Variants in GRM4 observed in about 807,000 individuals in gnomAD.
The protein encoded by GRM4 is metabotropic glutamate receptor 4.
In GRM4, 28 loss-of-function variants were observed where a neutral mutation model predicts 81.7. The ratio of observed to expected loss-of-function variants is 0.34; its 90% confidence interval spans 0.25 to 0.47. The LOEUF (loss-of-function observed/expected upper bound fraction) is 0.47. GRM4 is among the 20% of genes least tolerant of loss of function. The pLI is 1.00. For synonymous variants in GRM4, 488 were observed against 528.8 expected, an observed-to-expected ratio of 0.92 and a Z score of 1.06; for missense variants, 948 against 1,290.0, an observed-to-expected ratio of 0.73 and a Z score of 4.06.
chr6:34,123,832 C>T (rs1769911916), intron 2 of GRM4, among the ~76,000 whole-genome samples: 1 of 152,324 alleles, frequency 6.6e-6, no homozygotes, highest in Admixed American at 6.5e-5. Flanking sequence ...CACATTACTG[C>T]CCCTCGGGGA....
At chr6:34,065,200 A>G (rs1201706209) in intron 3 of GRM4, among the ~76,000 whole-genome samples, 1 of 151,886 alleles carries the variant, frequency 6.6e-6, no homozygotes, top group East Asian at 1.9e-4. Context: ...ACCACAGCCC[A>G]CCCTGTGCAT....
Position 34,076,717 on chromosome 6 carries a change from G to A in GRM4, c.737-14689C>T, listed in dbSNP as rs368661892. On this transcript the variant is annotated intron_variant, in intron 3 of 10. Coordinates refer to ENST00000538487, the MANE Select transcript of GRM4 (RefSeq NM_000841.4). Reference sequence around the variant, plus strand: ...CAGGCCTGTGGGGACTCAGGTTGGCGAAGCTGATGGACAGATGCTGGGGGC... The same window carrying A: ...CAGGCCTGTGGGGACTCAGGTTGGCAAAGCTGATGGACAGATGCTGGGGGC... Among the ~76,000 whole-genome samples the A allele has an allele frequency of 8.1e-4, 124 of 152,316 alleles. 2 individuals are homozygous for A. In the East Asian group the frequency reaches 0.015, roughly 19 times the overall value.
At chr6:34,112,756 C>CCCT (rs3041241) in intron 2 of GRM4, among the ~76,000 whole-genome samples, 2,174 of 152,334 alleles carry the variant, frequency 0.014, 61 homozygotes, top group African/African-American at 0.047. Context: ...CTGGCTCCCT[C>CCCT]CCTTGCCTGG....
chr6:34,056,835 G>A, intron 5 of GRM4, 151 bp from the exon 6 acceptor site: 1 of 871,306 alleles, frequency 1.1e-6, no homozygotes, highest in South Asian at 1.8e-5. Context: ...ACAAAATGTG[G>A]AGCATTTCGT....
upstream of GRM4, among the ~76,000 whole-genome samples, chr6:34,147,141 C>T (rs1174305342): frequency 2.6e-5 from 4 of 152,214 alleles, no homozygotes; most frequent in African/African-American, 9.6e-5. Flanking sequence ...ATACATGTCT[C>T]ATTTACCCAA....
chr6:34,111,984 C>A lies in GRM4; in HGVS notation c.520-19885G>T. On this transcript the variant is annotated intron_variant, in intron 2 of 10. Transcript: ENST00000538487. This position sits in a 1 kb window ranked among gnomAD's most constrained non-coding sequence, Gnocchi z 5.1. The stretch of plus-strand genomic sequence containing the variant: ...CCTGGAGATTCTGAAATGGGGAGGT[C>A]TCCTCACTCACCCCAAGTTGCACCT... Among the ~76,000 whole-genome samples, 1 of 152,066 alleles carries A rather than the reference C, an allele frequency of 6.6e-6. No homozygotes were observed. Among genetic ancestry groups the A allele is most frequent in the East Asian group, 1.9e-4 (1 of 5,192 alleles).
chr6:34,065,945 C>G (rs942552642), intron 3 of GRM4, among the ~76,000 whole-genome samples: 1 of 152,040 alleles, frequency 6.6e-6, no homozygotes, highest in African/African-American at 2.4e-5. Context: ...CAGCAGGAAC[C>G]GCTATCTCTC....
chr6:34,085,335 C>T (rs997093684), intron 3 of GRM4, among the ~76,000 whole-genome samples: 2 of 152,168 alleles, frequency 1.3e-5, no homozygotes, highest in Non-Finnish European at 2.9e-5. Context: ...TGGCAGGAGG[C>T]GCACCCCACA....
chr6:34,097,458 C>A (rs1768595862), intron 2 of GRM4, among the ~76,000 whole-genome samples: 1 of 149,870 alleles, frequency 6.7e-6, no homozygotes, highest in Non-Finnish European at 1.5e-5. Flanking sequence ...TGTGCGCGCG[C>A]ATGTGTGTAT....
chr6:34,155,241 A>G (rs1771126881), exon 1 of GRM4: 1 of 1,535,342 alleles, frequency 6.5e-7, no homozygotes, highest in Non-Finnish European at 8.7e-7. Context: ...GGCAAAATCC[A>G]AAGGACCTGG....
intron 2 of GRM4, among the ~76,000 whole-genome samples, chr6:34,104,254 C>T (rs748321078): frequency 1.3e-5 from 2 of 152,218 alleles, no homozygotes; most frequent in Non-Finnish European, 2.9e-5. Flanking sequence ...GAGGGTGGAG[C>T]AGGGTGGGCT....
chr6:34,055,411 C>G (rs1167174190), intron 6 of GRM4: 1 of 152,200 alleles, frequency 6.6e-6, no homozygotes, highest in Non-Finnish European at 1.5e-5. Context: ...TGCAAGTCCC[C>G]GTGGGCTCTG....
At chr6:34,026,673 A>C (rs1581580124) in intron 10 of GRM4, among the ~76,000 whole-genome samples, 1 of 152,012 alleles carries the variant, frequency 6.6e-6, no homozygotes, top group East Asian at 1.9e-4. Flanking sequence ...GACTGGCTGG[A>C]GCAGAGGCAG....
chr6:34,085,704 A>C (rs1767848694), intron 3 of GRM4, among the ~76,000 whole-genome samples: 1 of 152,248 alleles, frequency 6.6e-6, no homozygotes, highest in Admixed American at 6.5e-5. Context: ...CTGGAGATGC[A>C]GCGGAGAACA....
At chr6:34,101,401 G>A (rs185965683) in intron 2 of GRM4, among the ~76,000 whole-genome samples, 155 of 152,278 alleles carry the variant, frequency 1.0e-3, no homozygotes, top group Admixed American at 1.8e-3. Flanking sequence ...ATTTGAACTC[G>A]AACTAGCTGC....
rs115019142 is a variant in GRM4 at position 34,101,758 on chromosome 6, A to G, written c.520-9659T>C. On this transcript the variant is annotated intron_variant, in intron 2 of 10. Transcript: ENST00000538487. ...CTGCTTTGAGCAATAGCTAGTTTCT[A>G]TACATAATTATTAATTTCATGCTTA... Among the ~76,000 whole-genome samples the G allele has an allele frequency of 2.3e-3, 353 of 152,386 alleles. 4 individuals are homozygous for G. Among genetic ancestry groups the G allele is most frequent in the African/African-American group, 7.6e-3 (316 of 41,590 alleles).
Position 34,020,029 on chromosome 6 carries a change from A to G in GRM4, c.*2792T>C, listed in dbSNP as rs1763814018. On this transcript the variant is annotated 3_prime_UTR_variant, in exon 11 of 11. Transcript: ENST00000538487. ...GCTAGGGCCTGGTTCCCTCCTGTCCACCTCAGGCCCACAGAGCCCACCTCT... is the reference window on the plus strand; with the variant it reads ...GCTAGGGCCTGGTTCCCTCCTGTCCGCCTCAGGCCCACAGAGCCCACCTCT... The G allele has an allele frequency of 6.6e-6, 1 of 152,292 alleles. No individual in the cohort carries two copies. Among genetic ancestry groups the G allele is most frequent in the African/African-American group, 2.4e-5 (1 of 41,484 alleles). The allele number at this position is 152,292 out of a possible 1,614,324, so 9.4% of individuals were successfully genotyped here. A position where few individuals can be genotyped will look rare whatever the true frequency, so the allele number is the denominator to read the frequency against.
In GRM4 at chr6:34,090,981, C is replaced by T. The variant is rs907734922; in HGVS notation, c.736+902G>A. Among the ~76,000 whole-genome samples the T allele has an allele frequency of 2.0e-5, 3 of 152,022 alleles. No homozygotes were observed. Among genetic ancestry groups the T allele is most frequent in the Admixed American group, 6.5e-5 (1 of 15,278 alleles). On this transcript the variant is annotated intron_variant, in intron 3 of 10. Coordinates refer to ENST00000538487, the MANE Select transcript of GRM4 (RefSeq NM_000841.4). This position sits in a 1 kb window ranked among gnomAD's most constrained non-coding sequence, Gnocchi z 5.2. The stretch of plus-strand genomic sequence containing the variant: ...ACTTCCCCCACACACAACAGGGCCC[C>T]GAGGAAGTCACAGGCACCATCCTTC...
rs757177526 is a variant in GRM4 at position 34,133,265 on chromosome 6, G to A, written c.232C>T (p.Arg78Trp). 7 of 1,614,070 alleles carry A rather than the reference G, an allele frequency of 4.3e-6. No individual in the cohort carries two copies. Among genetic ancestry groups the A allele is most frequent in the South Asian group, 1.1e-5 (1 of 91,088 alleles). The stretch of plus-strand genomic sequence containing the variant: ...AGGGCGAACAGCATGGCCTCCAGCC[G>A]GTGGATGCCCTTTTCCTTCTTAAGT... ...GELKKEKGIH[R>W]LEAMLFALDR... The change falls in exon 2 of 11, where the codon CGG becomes TGG. Residue 78 changes from arginine (R) to tryptophan (W), a missense_variant. By Grantham distance (101) the Arg-to-Trp change is moderately radical (BLOSUM62 -3). Transcript: ENST00000538487. This position sits in a 1 kb window ranked among gnomAD's most constrained non-coding sequence, Gnocchi z 6.5.
Sources: allele counts gnomAD v4.1 joint callset (sites outside exome capture counted in the v4.1 genomes callset), GRCh38; gene constraint gnomAD v4.1.1; non-coding constraint Gnocchi (gnomAD v3.1); transcripts MANE v1.5; gene names NCBI Gene and HGNC (gene_info 2026-07-23, HGNC 2026-07-21).